The following CACNB4 variants were observed in gnomAD, a reference collection of about 807,000 sequenced individuals.
CACNB4 encodes the protein voltage-dependent L-type calcium channel subunit beta-4.
Under a neutral mutation model 71.2 loss-of-function variants are expected in CACNB4, and 32 were observed. The ratio of observed to expected loss-of-function variants is 0.45; its 90% CI spans 0.34 to 0.60. CACNB4 has a LOEUF of 0.60. CACNB4 is among the 20% of genes least tolerant of loss of function. CACNB4 has a pLI of 0.01. For synonymous variants in CACNB4, 231 were observed against 236.9 expected (o/e 0.97, Z 0.23); for missense variants, 464 against 647.9 (o/e 0.72, Z 3.08).
intron 2 of CACNB4, among the ~76,000 whole-genome samples, chr2:151,985,105 G>A (rs1373860730): frequency 1.3e-5 from 2 of 152,030 alleles, no homozygotes; most frequent in Non-Finnish European, 2.9e-5. Context: ...TTTAAAAAGT[G>A]GTATTGCAGA....
rs1296285045 is a variant in CACNB4 at position 151,988,826 on chromosome 2, A to T, written c.148-105456T>A. Among the ~76,000 whole-genome samples the T allele has an allele frequency of 4.6e-5, 7 of 152,114 alleles. No individual in the cohort carries two copies. The East Asian group carries it at 1.3e-3, about 29-fold the overall frequency. ...CACTACCATCACTTTGGGCATTAAGATTTCAACCTATGAACTGGGGAGAGG... is the reference window on the plus strand; with the variant it reads ...CACTACCATCACTTTGGGCATTAAGTTTTCAACCTATGAACTGGGGAGAGG... On this transcript the variant is annotated intron_variant, in intron 2 of 13. Transcript: ENST00000539935.
At chr2:152,013,421 C>T (rs1378238218) in intron 2 of CACNB4, among the ~76,000 whole-genome samples, 1 of 152,124 alleles carries the variant, frequency 6.6e-6, no homozygotes, top group African/African-American at 2.4e-5. Flanking sequence ...GGAATGTCAT[C>T]AAGCAGCAGG....
intron 2 of CACNB4, among the ~76,000 whole-genome samples, chr2:152,085,748 T>C (rs555177659): frequency 6.6e-6 from 1 of 151,750 alleles, no homozygotes; most frequent in African/African-American, 2.4e-5. Context: ...GTTTTTAACA[T>C]ACGTGTATGT....
At chr2:152,020,180 T>A (rs1579142258) in intron 2 of CACNB4, among the ~76,000 whole-genome samples, 2 of 152,206 alleles carry the variant, frequency 1.3e-5, no homozygotes, top group East Asian at 3.8e-4. Context: ...GACTAAGAAG[T>A]ACCCAACAGC....
At chr2:152,024,288 G>A (rs1683844347) in intron 2 of CACNB4, among the ~76,000 whole-genome samples, 1 of 152,198 alleles carries the variant, frequency 6.6e-6, no homozygotes, top group South Asian at 2.1e-4. Flanking sequence ...GCGTGCCACT[G>A]TACCTCTGTG....
At chr2:151,927,154 G>A (rs890388329) in intron 2 of CACNB4, among the ~76,000 whole-genome samples, 1 of 152,194 alleles carries the variant, frequency 6.6e-6, no homozygotes, top group African/African-American at 2.4e-5. Flanking sequence ...GGCAGAAATG[G>A]ATAGGAGAAG....
At chr2:151,887,141 A>C (rs2099849560) in intron 2 of CACNB4, among the ~76,000 whole-genome samples, 1 of 152,230 alleles carries the variant, frequency 6.6e-6, no homozygotes, top group African/African-American at 2.4e-5. Flanking sequence ...CTGAAGACGT[A>C]AAGGTTACTA....
At chr2:152,087,230 C>A (rs1001215496) in intron 2 of CACNB4, among the ~76,000 whole-genome samples, 1 of 151,712 alleles carries the variant, frequency 6.6e-6, no homozygotes, top group African/African-American at 2.4e-5. Context: ...TCAAGACCAG[C>A]CTGGTGGTTT....
rs961456614 is a variant in CACNB4 at position 151,835,688 on chromosome 2, A to C, written c.*3431T>G. ...AATTTGCAAACCATCTTTTAGCATA[A>C]TTTCCTTTTCTTACTTCCTTTCACT... On this transcript the variant is annotated 3_prime_UTR_variant, in exon 14 of 14. Coordinates refer to ENST00000539935, the MANE Select transcript of CACNB4 (RefSeq NM_000726.5). The C allele has an allele frequency of 6.6e-6, 1 of 151,834 alleles. No individual in the cohort carries two copies. The highest frequency in any genetic ancestry group is 2.4e-5 in the African/African-American group (1 of 41,410). 9.4% of individuals were successfully genotyped at this position (151,834 alleles called of 1,614,324 possible). A position where few individuals can be genotyped will look rare whatever the true frequency, so the allele number is the denominator to read the frequency against.
chr2:152,054,223 G>A (rs561231461), intron 2 of CACNB4, among the ~76,000 whole-genome samples: 75 of 151,768 alleles, frequency 4.9e-4, no homozygotes, highest in Admixed American at 1.1e-3. Context: ...AAAATTAGCC[G>A]GGCGTGGTGG....
chr2:152,052,840 G>C (rs984822013), intron 2 of CACNB4, among the ~76,000 whole-genome samples: 6 of 152,084 alleles, frequency 3.9e-5, no homozygotes, highest in Admixed American at 2.0e-4. Context: ...AAATTGGCTG[G>C]GCGTGGTGGC....
intron 2 of CACNB4, among the ~76,000 whole-genome samples, chr2:151,917,707 G>A (rs2099857880): frequency 6.6e-6 from 1 of 151,844 alleles, no homozygotes; most frequent in Non-Finnish European, 1.5e-5. Context: ...ATGGTGGCAG[G>A]TGCCTGTAAT....
chr2:151,957,429 C>T (rs2099868598), intron 2 of CACNB4, among the ~76,000 whole-genome samples: 1 of 151,894 alleles, frequency 6.6e-6, no homozygotes, highest in Non-Finnish European at 1.5e-5. Context: ...TTATTGAGTG[C>T]CCATCTTGAG....
intron 2 of CACNB4, chr2:151,962,973 T>G (rs2099870041): frequency 6.6e-6 from 1 of 152,140 alleles, no homozygotes; most frequent in Non-Finnish European, 1.5e-5. Context: ...CAGTTTTTTA[T>G]AGTACTAACC....
At chr2:152,003,154 A>G (rs1351909269) in intron 2 of CACNB4, among the ~76,000 whole-genome samples, 2 of 152,196 alleles carry the variant, frequency 1.3e-5, no homozygotes, top group Non-Finnish European at 2.9e-5. Flanking sequence ...TTTTAAAAAC[A>G]TATCTCGGCC....
intron 3 of CACNB4, among the ~76,000 whole-genome samples, chr2:151,881,294 T>C (rs1322241411): frequency 1.3e-5 from 2 of 151,840 alleles, no homozygotes; most frequent in Non-Finnish European, 2.9e-5. Context: ...GTGTGCAAGG[T>C]CTTTTTAAAA....
At chr2:151,909,307 C>A (rs1044455474) in intron 2 of CACNB4, among the ~76,000 whole-genome samples, 4 of 151,050 alleles carry the variant, frequency 2.6e-5, no homozygotes, top group African/African-American at 9.7e-5. Flanking sequence ...TGGTGGCGGG[C>A]ACCTGTAATC....
chr2:151,983,564 G>A (rs766246456), intron 2 of CACNB4, among the ~76,000 whole-genome samples: 1 of 151,902 alleles, frequency 6.6e-6, no homozygotes, highest in Non-Finnish European at 1.5e-5. Context: ...TAAAAATAAT[G>A]TACATTGGTA....
intron 2 of CACNB4, among the ~76,000 whole-genome samples, chr2:151,943,709 T>C (rs2099864842): frequency 1.3e-5 from 2 of 152,100 alleles, no homozygotes; most frequent in Admixed American, 1.3e-4. Context: ...TGGGAAAGCC[T>C]CCAGAAAATA....
Sources: allele counts gnomAD v4.1 joint callset (sites outside exome capture counted in the v4.1 genomes callset), GRCh38; gene constraint gnomAD v4.1.1; transcripts MANE v1.5; gene names NCBI Gene and HGNC (gene_info 2026-07-23, HGNC 2026-07-21).